FAM13A: variants seen among roughly 807,000 people sequenced by gnomAD.
FAM13A encodes the protein protein FAM13A.
In FAM13A, 76 loss-of-function variants were observed where a neutral mutation model predicts 129.6. That is an observed-to-expected ratio of 0.59 (90% CI 0.49 to 0.71). The LOEUF is 0.71. FAM13A is among the 30% of genes least tolerant of loss of function. FAM13A has a pLI of 0.00. For missense variants in FAM13A, 1,108 were observed against 1,249.3 expected (o/e 0.89, Z 1.70); for synonymous variants, 443 against 449.9 (o/e 0.98, Z 0.20).
At chr4:88,844,181 T>A (rs17014670) in intron 7 of FAM13A, among the ~76,000 whole-genome samples, 10,670 of 152,236 alleles carry the variant, frequency 0.07, 533 homozygotes, top group African/African-American at 0.14. Flanking sequence ...AAAGAGACCT[T>A]AGACACAGTC....
intron 4 of FAM13A, among the ~76,000 whole-genome samples, chr4:88,971,014 C>G (rs1397754372): frequency 6.6e-6 from 1 of 152,214 alleles, no homozygotes; most frequent in Non-Finnish European, 1.5e-5. Context: ...CAAGACCATC[C>G]TGGCTAACAT....
intron 4 of FAM13A, among the ~76,000 whole-genome samples, chr4:88,955,852 A>G (rs1052437513): frequency 6.6e-6 from 1 of 152,216 alleles, no homozygotes; most frequent in Non-Finnish European, 1.5e-5. Flanking sequence ...AGGGAAGCAG[A>G]GCATAAAAGT....
At chr4:88,962,740 A>C (rs1418684676) in intron 4 of FAM13A, among the ~76,000 whole-genome samples, 2 of 152,214 alleles carry the variant, frequency 1.3e-5, no homozygotes, top group Non-Finnish European at 2.9e-5. Context: ...AACACACATC[A>C]ACCTTTCTGG....
intron 21 of FAM13A, among the ~76,000 whole-genome samples, chr4:88,735,022 C>T (rs986653382): frequency 4.6e-5 from 7 of 152,126 alleles, no homozygotes; most frequent in Admixed American, 6.5e-5. Context: ...TGTGTGTGCA[C>T]ACAGCAGAGC....
chr4:89,006,701 C>A (rs556080590), intron 3 of FAM13A, among the ~76,000 whole-genome samples: 21 of 152,296 alleles, frequency 1.4e-4, no homozygotes, highest in African/African-American at 5.1e-4. Context: ...CCTTGTCTGG[C>A]AACCAGGAAG....
intron 6 of FAM13A, among the ~76,000 whole-genome samples, chr4:88,885,487 C>T (rs2150140761): frequency 6.6e-6 from 1 of 152,320 alleles, no homozygotes; most frequent in Admixed American, 6.5e-5. Flanking sequence ...CCTCATCTCT[C>T]ACCTTTTACA....
chr4:88,945,895 G>A (rs1755657969), intron 4 of FAM13A, among the ~76,000 whole-genome samples: 1 of 129,700 alleles, frequency 7.7e-6, no homozygotes, highest in Admixed American at 7.8e-5. Flanking sequence ...TATTCTATGT[G>A]TGTATATACA....
At chr4:88,987,701 G>C (rs1364294709) in intron 4 of FAM13A, among the ~76,000 whole-genome samples, 3 of 151,734 alleles carry the variant, frequency 2.0e-5, no homozygotes, top group African/African-American at 7.3e-5. Context: ...AATTAGCCAG[G>C]CGTGGTGGCG....
chr4:88,862,758 A>G (rs991996741), intron 6 of FAM13A, among the ~76,000 whole-genome samples: 1 of 152,078 alleles, frequency 6.6e-6, no homozygotes, highest in African/African-American at 2.4e-5. Context: ...GTTAGTGTAC[A>G]CGTATTATGA....
At chr4:88,748,478 C>G (rs1384233252) in intron 17 of FAM13A, among the ~76,000 whole-genome samples, 3 of 152,172 alleles carry the variant, frequency 2.0e-5, no homozygotes, top group Non-Finnish European at 4.4e-5. Context: ...CAGCCACTGG[C>G]CAACCTTTTC....
At chr4:88,971,209 C>G (rs1490245832) in intron 4 of FAM13A, among the ~76,000 whole-genome samples, 1 of 152,094 alleles carries the variant, frequency 6.6e-6, no homozygotes, top group Admixed American at 6.6e-5. Context: ...CAGAGTGAGA[C>G]TCTGCCTCAA....
intron 1 of FAM13A, among the ~76,000 whole-genome samples, chr4:89,033,941 A>C (rs1473824666): frequency 6.6e-6 from 1 of 152,248 alleles, no homozygotes; most frequent in Non-Finnish European, 1.5e-5. Flanking sequence ...AAAATGAATT[A>C]AAGACTTAAG....
intron 7 of FAM13A, among the ~76,000 whole-genome samples, chr4:88,812,513 GTACATGTTGTTCTTTC>G (rs1457883157): frequency 6.6e-6 from 1 of 152,036 alleles, no homozygotes; most frequent in Non-Finnish European, 1.5e-5. Flanking sequence ...CTTTCCATTT[GTACATGTTGTTCTTTC>G]TACCTTAAAT....
At chr4:89,041,845 G>T (rs1490417384) in intron 1 of FAM13A, among the ~76,000 whole-genome samples, 4 of 151,872 alleles carry the variant, frequency 2.6e-5, no homozygotes, top group African/African-American at 9.7e-5. Context: ...GCTTGAACCT[G>T]GGCAGTAGAG....
At chr4:89,017,312 CCT>C (rs1340839633) in intron 3 of FAM13A, among the ~76,000 whole-genome samples, 1 of 151,966 alleles carries the variant, frequency 6.6e-6, no homozygotes, top group African/African-American at 2.4e-5. Context: ...CTGTGCATAA[CCT>C]CACATAACCT....
chr4:88,902,349 A>C (rs1218271736), intron 6 of FAM13A, among the ~76,000 whole-genome samples: 1 of 152,196 alleles, frequency 6.6e-6, no homozygotes, highest in African/African-American at 2.4e-5. Context: ...ATTGATGCAA[A>C]AGTTGTCAAT....
chr4:88,973,452 G>A (rs748033158), intron 4 of FAM13A, among the ~76,000 whole-genome samples: 72 of 151,986 alleles, frequency 4.7e-4, no homozygotes, highest in Non-Finnish European at 8.5e-4. Flanking sequence ...CCCTTTAAAT[G>A]CATTCTTCAT....
At chr4:88,912,878 G>A (rs927374371) in intron 5 of FAM13A, among the ~76,000 whole-genome samples, 1 of 152,166 alleles carries the variant, frequency 6.6e-6, no homozygotes, top group Non-Finnish European at 1.5e-5. Context: ...ATACTCAGGA[G>A]GCTGAGGCAG....
intron 18 of FAM13A, 43 bp from the exon 19 acceptor site, chr4:88,747,058 TGTG>T: frequency 7.6e-7 from 1 of 1,316,994 alleles, no homozygotes; most frequent in Non-Finnish European, 1.1e-6. Context: ...GAGGAAAATG[TGTG>T]TGAACATTCC....
Sources: allele counts gnomAD v4.1 joint callset (sites outside exome capture counted in the v4.1 genomes callset), GRCh38; gene constraint gnomAD v4.1.1; transcripts MANE v1.5; gene names NCBI Gene and HGNC (gene_info 2026-07-23, HGNC 2026-07-21).